Variants in RANBP2 observed in about 807,000 individuals in gnomAD.
RANBP2 encodes the protein E3 SUMO-protein ligase RanBP2.
RANBP2 carries 57 observed loss-of-function variants against 303.6 expected under a neutral mutation model. The ratio of observed to expected loss-of-function variants is 0.19; its 90% CI spans 0.15 to 0.23. The LOEUF is 0.23. Ranked by LOEUF, RANBP2 falls within the 10% of genes least tolerant of loss-of-function variation. The pLI is 1.00. For synonymous variants in RANBP2, 1,167 were observed against 1,301.5 expected (o/e 0.90, Z 2.23); for missense variants, 3,138 against 3,780.8 (o/e 0.83, Z 4.46).
the RANBP2 span, among the ~76,000 whole-genome samples, chr2:109,417,597 C>G: frequency 6.6e-6 from 1 of 152,146 alleles, no homozygotes; most frequent in Non-Finnish European, 1.5e-5. Flanking sequence ...CTCTCAGGAT[C>G]CTTTGAAAAT....
the RANBP2 span, among the ~76,000 whole-genome samples, chr2:108,894,209 A>G: frequency 0.021 from 3,212 of 152,328 alleles, 114 homozygotes; most frequent in South Asian, 0.086. Flanking sequence ...TAAGTGATAC[A>G]ATGCCTTATG....
chr2:109,220,031 A>G, the RANBP2 span, among the ~76,000 whole-genome samples: 2 of 152,246 alleles, frequency 1.3e-5, no homozygotes, highest in African/African-American at 2.4e-5. Flanking sequence ...AAAATGTACT[A>G]TAAGCAATAG....
At chr2:109,083,338 T>A in the RANBP2 span, among the ~76,000 whole-genome samples, 30,906 of 152,124 alleles carry the variant, frequency 0.2, 3,939 homozygotes, top group Middle Eastern at 0.31. Flanking sequence ...TTCTACTTTC[T>A]GTCTCTGTGA....
the RANBP2 span, among the ~76,000 whole-genome samples, chr2:108,964,487 T>C: frequency 6.6e-6 from 1 of 152,064 alleles, no homozygotes; most frequent in Non-Finnish European, 1.5e-5. Context: ...GTCCCTACTC[T>C]AAGAGGAAAT....
At chr2:109,348,157 G>A in the RANBP2 span, among the ~76,000 whole-genome samples, 2 of 152,200 alleles carry the variant, frequency 1.3e-5, no homozygotes, top group Non-Finnish European at 2.9e-5. Flanking sequence ...GCTATGGAGG[G>A]CACCAGCTTG....
At chr2:109,678,457 A>C in the RANBP2 span, among the ~76,000 whole-genome samples, 1 of 152,304 alleles carries the variant, frequency 6.6e-6, no homozygotes, top group Non-Finnish European at 1.5e-5. Context: ...TGGCCCTACC[A>C]GGGATCGCAA....
At chr2:109,366,905 G>T in the RANBP2 span, among the ~76,000 whole-genome samples, 1 of 152,168 alleles carries the variant, frequency 6.6e-6, no homozygotes, top group Admixed American at 6.5e-5. Context: ...TTGCTTTGTG[G>T]AAGGTAAGCT....
chr2:108,782,688 G>C lies in RANBP2; in HGVS notation c.9195G>C (p.Val3065=). Residue 3065 remains valine (V), a synonymous_variant, in exon 28 of 29, where the codon GTG becomes GTC. Coordinates refer to ENST00000283195, the MANE Select transcript of RANBP2 (RefSeq NM_006267.5). ...AATTATCAAAGGAGACCAATCCTGT[G>C]GTGTTTTTTGATGTTTGTGCGGACG... is the stretch of plus-strand genomic sequence containing the variant. ...AAELSKETNP[V]VFFDVCADGE... 1 of 1,614,212 alleles carries C rather than the reference G, an allele frequency of 6.2e-7. No individual in the cohort carries two copies. Among genetic ancestry groups the C allele is most frequent in the South Asian group, 1.1e-5 (1 of 91,086 alleles).
At chr2:109,427,469 C>G in the RANBP2 span, among the ~76,000 whole-genome samples, 2 of 152,130 alleles carry the variant, frequency 1.3e-5, no homozygotes, top group African/African-American at 4.8e-5. Context: ...TATGCCTGTA[C>G]CTGGAGGGCT....
chr2:109,252,541 TA>T, the RANBP2 span, among the ~76,000 whole-genome samples: 1 of 152,190 alleles, frequency 6.6e-6, no homozygotes, highest in Non-Finnish European at 1.5e-5. Flanking sequence ...CTCTCAGTGC[TA>T]AAACCAGGGA....
the RANBP2 span, among the ~76,000 whole-genome samples, chr2:109,218,539 C>G: frequency 6.6e-6 from 1 of 152,192 alleles, no homozygotes; most frequent in Non-Finnish European, 1.5e-5. Context: ...CGGATGCCTT[C>G]TGACCACAAA....
At chr2:109,626,229 C>A in the RANBP2 span, among the ~76,000 whole-genome samples, 1 of 151,402 alleles carries the variant, frequency 6.6e-6, no homozygotes, top group East Asian at 2.0e-4. Context: ...CCTGTAATCC[C>A]TGAACTTTGA....
At chr2:109,398,679 C>T in the RANBP2 span, 115 of 1,609,516 alleles carry the variant, frequency 7.1e-5, no homozygotes, top group Admixed American at 1.3e-4. Flanking sequence ...CCTCTGACTC[C>T]GGCGCTGTGG....
chr2:108,750,557 C>CTTTTCTTTTCTT (rs1675794999), intron 9 of RANBP2, among the ~76,000 whole-genome samples: 2 of 13,576 alleles, frequency 1.5e-4, no homozygotes, highest in South Asian at 2.3e-3. Flanking sequence ...AGCACATAAC[C>CTTTTCTTTTCTT]TTTTCTTTTC....
At chr2:109,230,754 A>T in the RANBP2 span, among the ~76,000 whole-genome samples, 16 of 152,234 alleles carry the variant, frequency 1.1e-4, no homozygotes, top group Admixed American at 1.0e-3. Context: ...TGTTGACTTA[A>T]AATGGGTTTG....
At chr2:109,245,795 C>A in the RANBP2 span, among the ~76,000 whole-genome samples, 1 of 152,154 alleles carries the variant, frequency 6.6e-6, no homozygotes, top group Non-Finnish European at 1.5e-5. Context: ...GTTAAAGTTG[C>A]CTCAGGGGGA....
At chr2:108,905,110 A>C in the RANBP2 span, among the ~76,000 whole-genome samples, 1 of 152,196 alleles carries the variant, frequency 6.6e-6, no homozygotes, top group African/African-American at 2.4e-5. Context: ...TAATTACATC[A>C]GGGTGTTTGG....
chr2:109,198,686 C>T, the RANBP2 span, among the ~76,000 whole-genome samples: 4 of 152,138 alleles, frequency 2.6e-5, no homozygotes, highest in East Asian at 3.9e-4. Context: ...GAACATTTTT[C>T]GTGTCTCTTA....
At chr2:108,845,310 G>A in the RANBP2 span, among the ~76,000 whole-genome samples, 1 of 151,906 alleles carries the variant, frequency 6.6e-6, no homozygotes, top group Non-Finnish European at 1.5e-5. Flanking sequence ...TTTGGCCTTT[G>A]TCACCTGTAA....
Sources: gnomAD v4.1 joint callset for allele counts (sites outside exome capture counted in the v4.1 genomes callset) on GRCh38, gnomAD v4.1.1 for gene constraint, MANE v1.5 for transcripts, NCBI Gene and HGNC (gene_info 2026-07-23, HGNC 2026-07-21) for gene names.